Variants in ZMYM6 observed in about 807,000 individuals in gnomAD.
ZMYM6 encodes the protein zinc finger MYM-type protein 6.
ZMYM6 carries 90 observed loss-of-function variants against 134.0 expected under a neutral mutation model. The observed-to-expected ratio is 0.67, with a 90% CI of 0.57 to 0.80. The LOEUF is 0.80. ZMYM6 is among the 30% of genes least tolerant of loss of function. The probability of loss-of-function intolerance (pLI) is 0.00; values close to 1 mark genes in which losing one functional copy is unlikely to be tolerated. For missense variants in ZMYM6, 1,362 were observed against 1,533.9 expected (o/e 0.89, Z 1.87); for synonymous variants, 481 against 524.1 (o/e 0.92, Z 1.12).
chr1:35,011,964 G>A lies in ZMYM6; in HGVS notation c.988C>T (p.Pro330Ser), dbSNP rs374128337. 3.2e-5 allele frequency: 52 copies of A among 1,609,270 alleles called. No individual in the cohort carries two copies. Among genetic ancestry groups the A allele is most frequent in the Non-Finnish European group, 4.2e-5 (49 of 1,177,352 alleles). ...TTTGACATGGCTAGGTGATACTGAG[G>A]GATTGCTGAGGTTTTACAACTATGA... ...SCHSCKTSAI[P>S]QYHLAMSNGT... Residue 330 changes from proline to serine, a missense_variant, in exon 8 of 16, where the codon CCT becomes TCT. Pro to Ser is a moderately conservative substitution (Grantham distance 74). Around this residue, in one of 3 missense-constraint regions of ZMYM6, gnomAD observed 503 missense variants for 520.8 expected, o/e 0.97. Transcript: ENST00000357182.
At chr1:34,995,593 CTG>C (rs1158029427) in intron 14 of ZMYM6, among the ~76,000 whole-genome samples, 2 of 152,084 alleles carry the variant, frequency 1.3e-5, no homozygotes, top group African/African-American at 4.8e-5. Flanking sequence ...GACCTGATAA[CTG>C]AGATGGCTAC....
chr1:35,027,038 T>C (rs770507851), intron 2 of ZMYM6, among the ~76,000 whole-genome samples: 2 of 152,212 alleles, frequency 1.3e-5, no homozygotes, highest in Non-Finnish European at 2.9e-5. Flanking sequence ...CAGCTCATTC[T>C]ACTTGTGAGT....
intron 6 of ZMYM6, chr1:35,013,360 A>G (rs980781582): frequency 4.1e-6 from 4 of 980,460 alleles, no homozygotes; most frequent in Admixed American, 6.2e-5. Context: ...GTGATACATT[A>G]TAAGGTCTCT....
chr1:34,993,539 G>A (rs1239473968), intron 14 of ZMYM6, among the ~76,000 whole-genome samples: 1 of 152,172 alleles, frequency 6.6e-6, no homozygotes, highest in Admixed American at 6.5e-5. Flanking sequence ...TTTAAGGTTA[G>A]CTGATTAGGA....
intron 2 of ZMYM6, among the ~76,000 whole-genome samples, chr1:35,022,892 T>C (rs1370148232): frequency 1.3e-5 from 2 of 152,208 alleles, no homozygotes; most frequent in African/African-American, 4.8e-5. Context: ...CTATAGGTTC[T>C]AACAGCAGAC....
chr1:35,009,226 G>A (rs1442974602), intron 10 of ZMYM6, among the ~76,000 whole-genome samples: 3 of 152,148 alleles, frequency 2.0e-5, no homozygotes, highest in Admixed American at 1.3e-4. Context: ...AGCCTCCTGA[G>A]TAGAGCAGCT....
intron 14 of ZMYM6, among the ~76,000 whole-genome samples, chr1:34,995,025 ATATATATGTAATATATATACTTACATACG>A (rs1309057873): frequency 1.9e-5 from 2 of 107,856 alleles, no homozygotes; most frequent in East Asian, 2.8e-4. Flanking sequence ...TTACATACGT[ATATATATGTAATATATATACTTACATACG>A]TATATATATG....
At position 34,987,439 on chromosome 1, in the gene ZMYM6, T is replaced by C. The variant is rs756790075; in HGVS notation, c.3643A>G (p.Ile1215Val). ...TGGTGATTCATAAAAGGGTGAATTATCCACAAATTTCCTGAACGCAAGTCT... is the reference window on the plus strand; with the variant it reads ...TGGTGATTCATAAAAGGGTGAATTACCCACAAATTTCCTGAACGCAAGTCT... ...EQDLRSGNLW[I>V]IHPFMNHQNN... Residue 1215 changes from isoleucine to valine, a missense_variant, in exon 16 of 16, where the codon ATA (isoleucine) becomes GTA (valine). By Grantham distance (29) the Ile-to-Val change is conservative. Transcript: ENST00000357182. 6.8e-6 allele frequency: 11 copies of C among 1,613,948 alleles called. No homozygotes were observed. The highest frequency in any genetic ancestry group is 9.3e-6 in the Non-Finnish European group (11 of 1,179,968).
chr1:35,025,466 C>CAAA (rs1161814959), intron 2 of ZMYM6, among the ~76,000 whole-genome samples: 130 of 54,832 alleles, frequency 2.4e-3, no homozygotes, highest in African/African-American at 5.1e-3. Context: ...GACTCCATCC[C>CAAA]AAAAAAAAAA....
In ZMYM6 at chr1:35,019,466, T is replaced by A. The variant is rs751678257; in HGVS notation, c.315A>T (p.Ala105=). 1.2e-6 allele frequency: 2 copies of A among 1,614,064 alleles called. No homozygotes were observed. Among genetic ancestry groups the A allele is most frequent in the Admixed American group, 1.7e-5 (1 of 60,000 alleles). The change falls in exon 4 of 16, where the codon GCA becomes GCT. Residue 105 remains alanine, a synonymous_variant. Transcript: ENST00000357182. The stretch of plus-strand genomic sequence containing the variant: ...GCTGAGTAGATCCTGTCTTATGATA[T>A]GCAGTTTGGCCCTTATAAAGCATTT... ...CKKMLYKGQT[A]YHKTGSTQLF...
At chr1:35,006,846 T>C (rs1640988663) in intron 12 of ZMYM6, 105 bp downstream of exon 12, 3 of 1,111,166 alleles carry the variant, frequency 2.7e-6, no homozygotes, top group Non-Finnish European at 3.5e-6. Context: ...ATTCAGGCTA[T>C]TTGAATCCAA....
At chr1:35,016,072 G>A (rs1026068709) in intron 4 of ZMYM6, among the ~76,000 whole-genome samples, 2 of 150,276 alleles carry the variant, frequency 1.3e-5, no homozygotes, top group Non-Finnish European at 3.0e-5. Context: ...CTCAGCCTCC[G>A]GTTCGAGTAG....
intron 10 of ZMYM6, among the ~76,000 whole-genome samples, chr1:35,009,799 G>A (rs1227503564): frequency 1.3e-5 from 2 of 151,926 alleles, no homozygotes; most frequent in African/African-American, 4.8e-5. Flanking sequence ...AGCCAGGCAT[G>A]GTGGCACGCT....
rs1641501958 is a variant in ZMYM6, at chr1:35,030,533, G to A, written c.93+14C>T. The stretch of plus-strand genomic sequence containing the variant: ...GAATTTTTTTAAATTTTTAAATGAA[G>A]ATGAAATGCTTACTTGAGCATTGTC... On this transcript the variant is annotated intron_variant, in intron 2 of 15. Coordinates refer to ENST00000357182, the MANE Select transcript of ZMYM6 (RefSeq NM_007167.4). 1 of 1,586,280 alleles carries A rather than the reference G, an allele frequency of 6.3e-7. No homozygotes were observed. The highest frequency in any genetic ancestry group is 8.5e-7 in the Non-Finnish European group (1 of 1,173,352).
chr1:35,029,765 C>T (rs757923342), intron 2 of ZMYM6, among the ~76,000 whole-genome samples: 2 of 152,200 alleles, frequency 1.3e-5, no homozygotes, highest in Admixed American at 6.5e-5. Context: ...CTTACACATC[C>T]TTCCCTTAGA....
chr1:35,022,130 T>C (rs1162043206), intron 2 of ZMYM6, among the ~76,000 whole-genome samples: 1 of 152,250 alleles, frequency 6.6e-6, no homozygotes, highest in South Asian at 2.1e-4. Flanking sequence ...ATATGTATTA[T>C]GAGCACCCAA....
intron 11 of ZMYM6, among the ~76,000 whole-genome samples, chr1:35,007,510 T>C (rs927050710): frequency 1.5e-4 from 22 of 151,570 alleles, no homozygotes; most frequent in Non-Finnish European, 4.4e-5. Flanking sequence ...ATCGCTTGAA[T>C]CCAGGAGGCA....
At position 34,992,439 on chromosome 1, in the gene ZMYM6, T is replaced by C. The variant is rs779930756; in HGVS notation, c.1993-52A>G. On this transcript the variant is annotated intron_variant, in intron 14 of 15. Coordinates refer to ENST00000357182, the MANE Select transcript of ZMYM6 (RefSeq NM_007167.4). ...AAGAAAGATTTTTTTTAGTACCTTA[T>C]CACTGACTATAATTGCTATCAATTG... is the stretch of plus-strand genomic sequence containing the variant. 9.0e-6 allele frequency: 14 copies of C among 1,561,426 alleles called. No homozygotes were observed. In the East Asian group the frequency reaches 2.9e-4, roughly 33 times the overall value.
chr1:35,027,536 GTCAGGAGT>G (rs1165063628), intron 2 of ZMYM6, among the ~76,000 whole-genome samples: 1 of 152,072 alleles, frequency 6.6e-6, no homozygotes, highest in Non-Finnish European at 1.5e-5. Context: ...ATTGCTTGAG[GTCAGGAGT>G]TCAGGACCAG....
Sources: gnomAD v4.1 joint callset for allele counts (sites outside exome capture counted in the v4.1 genomes callset) on GRCh38, gnomAD v4.1.1 for gene constraint, gnomAD v4.1.1 regional missense constraint, MANE v1.5 for transcripts, NCBI Gene and HGNC (gene_info 2026-07-23, HGNC 2026-07-21) for gene names.